The following NRXN3 variants were observed in gnomAD, a reference collection of about 807,000 sequenced individuals.
NRXN3 encodes neurexin III.
NRXN3 carries 32 observed loss-of-function variants against 137.6 expected under a neutral mutation model. The observed-to-expected ratio is 0.23, with a 90% CI of 0.18 to 0.31. The LOEUF (loss-of-function observed/expected upper bound fraction) is 0.31. NRXN3 is among the 10% of genes least tolerant of loss of function. The probability of loss-of-function intolerance (pLI) is 1.00; values close to 1 mark genes in which losing one functional copy is unlikely to be tolerated. For missense variants in NRXN3, 1,574 were observed against 2,062.5 expected, an observed-to-expected ratio of 0.76 and a Z score of 4.59; for synonymous variants, 798 against 784.5, an observed-to-expected ratio of 1.02 and a Z score of -0.29.
At chr14:79,367,699 C>T (rs1052449601) in intron 15 of NRXN3, among the ~76,000 whole-genome samples, 1 of 152,186 alleles carries the variant, frequency 6.6e-6, no homozygotes, top group Non-Finnish European at 1.5e-5. Flanking sequence ...CTAGCTTACA[C>T]ACTTCTCATT....
intron 14 of NRXN3, among the ~76,000 whole-genome samples, chr14:78,975,518 G>T (rs975350693): frequency 2.4e-4 from 37 of 152,272 alleles, no homozygotes; most frequent in African/African-American, 8.2e-4. Context: ...TTATCCCAAG[G>T]ATGCTGTGAG....
intron 4 of NRXN3, among the ~76,000 whole-genome samples, chr14:78,594,886 T>C (rs2097146834): frequency 6.6e-6 from 1 of 152,260 alleles, no homozygotes; most frequent in Non-Finnish European, 1.5e-5. Flanking sequence ...TATTGTCTTC[T>C]AGTGTCAGTA....
At chr14:78,989,842 A>T (rs2099514974) in intron 15 of NRXN3, among the ~76,000 whole-genome samples, 1 of 152,224 alleles carries the variant, frequency 6.6e-6, no homozygotes, top group Non-Finnish European at 1.5e-5. Flanking sequence ...CACACAGAAC[A>T]GGTATAAAGG....
intron 15 of NRXN3, among the ~76,000 whole-genome samples, chr14:79,029,974 A>G (rs1406529178): frequency 6.6e-6 from 1 of 150,424 alleles, no homozygotes; most frequent in East Asian, 2.0e-4. Flanking sequence ...AGCCCCCCCA[A>G]GTAGCTGGGA....
intron 15 of NRXN3, among the ~76,000 whole-genome samples, chr14:79,206,014 G>A (rs2066731950): frequency 6.6e-6 from 1 of 152,062 alleles, no homozygotes; most frequent in South Asian, 2.1e-4. Flanking sequence ...TAACTTGTCT[G>A]GAAGAACATG....
At chr14:79,081,394 T>A (rs891861482) in intron 15 of NRXN3, among the ~76,000 whole-genome samples, 1 of 152,088 alleles carries the variant, frequency 6.6e-6, no homozygotes, top group South Asian at 2.1e-4. Flanking sequence ...GGCGGGCAGA[T>A]CATGAGGTCA....
chr14:79,522,171 T>C (rs1285018239), intron 16 of NRXN3, among the ~76,000 whole-genome samples: 1 of 152,094 alleles, frequency 6.6e-6, no homozygotes, highest in East Asian at 1.9e-4. Context: ...TGGATGACTG[T>C]AATGCACAGG....
intron 10 of NRXN3, among the ~76,000 whole-genome samples, chr14:78,891,090 A>C (rs2099157587): frequency 6.6e-6 from 1 of 151,924 alleles, no homozygotes; most frequent in African/African-American, 2.4e-5. Flanking sequence ...TCAGATGGTA[A>C]CTGGGTGGAA....
At chr14:78,317,021 G>A (rs749573547) in intron 4 of NRXN3, among the ~76,000 whole-genome samples, 34 of 152,272 alleles carry the variant, frequency 2.2e-4, no homozygotes, top group Middle Eastern at 6.8e-3. Context: ...ACTGGCTCAC[G>A]TGATTAGGGA....
rs576612329 is a variant in NRXN3, at chr14:79,738,932, G to C, written c.4014+40995G>C. Among the ~76,000 whole-genome samples, 13 of 152,272 alleles carry C rather than the reference G, an allele frequency of 8.5e-5. No individual in the cohort carries two copies. The South Asian group carries it at 2.1e-3, about 24-fold the overall frequency. On this transcript the variant is annotated intron_variant, in intron 19 of 20. Transcript: ENST00000335750. ...GCCACAGGAAACTAATACAATACTTGTGCCAACTTAAGTAACAGCACCAGC... is the reference window on the plus strand; with the variant it reads ...GCCACAGGAAACTAATACAATACTTCTGCCAACTTAAGTAACAGCACCAGC...
chr14:78,348,628 A>G (rs2083071510), intron 4 of NRXN3, among the ~76,000 whole-genome samples: 1 of 152,168 alleles, frequency 6.6e-6, no homozygotes, highest in Non-Finnish European at 1.5e-5. Flanking sequence ...CTTTGGGGCC[A>G]TGCTTCTCAA....
chr14:79,547,540 G>C (rs2097332345), intron 16 of NRXN3, among the ~76,000 whole-genome samples: 1 of 152,172 alleles, frequency 6.6e-6, no homozygotes, highest in African/African-American at 2.4e-5. Context: ...CAAAAGAGAA[G>C]ATCTTAAGCT....
intron 20 of NRXN3, among the ~76,000 whole-genome samples, chr14:79,825,023 G>A (rs549855290): frequency 4.6e-5 from 7 of 152,182 alleles, no homozygotes; most frequent in East Asian, 1.9e-4. Flanking sequence ...AAGAACAAAC[G>A]TTTGTATTTG....
At chr14:78,487,780 TAAATAAATAAAG>T (rs1266086746) in intron 4 of NRXN3, among the ~76,000 whole-genome samples, 2 of 134,382 alleles carry the variant, frequency 1.5e-5, no homozygotes, top group South Asian at 2.4e-4. Context: ...AATAAATAAA[TAAATAAATAAAG>T]ATAGATTTGT....
At chr14:78,574,125 G>A (rs2096914514) in intron 4 of NRXN3, among the ~76,000 whole-genome samples, 1 of 152,228 alleles carries the variant, frequency 6.6e-6, no homozygotes, top group African/African-American at 2.4e-5. Flanking sequence ...CAGAAGTCAA[G>A]AATTTAGGTT....
intron 15 of NRXN3, among the ~76,000 whole-genome samples, chr14:79,043,817 TGA>T (rs1373786838): frequency 6.6e-6 from 1 of 152,186 alleles, no homozygotes; most frequent in Non-Finnish European, 1.5e-5. Flanking sequence ...GAGACATCGC[TGA>T]GAGAAATTCA....
chr14:78,679,464 C>A (rs1293788551), intron 6 of NRXN3, among the ~76,000 whole-genome samples: 1 of 152,068 alleles, frequency 6.6e-6, no homozygotes, highest in Non-Finnish European at 1.5e-5. Context: ...TTCAGCTTAG[C>A]CTGAAAGCCC....
At chr14:79,618,276 T>C (rs2098183771) in intron 16 of NRXN3, among the ~76,000 whole-genome samples, 1 of 152,084 alleles carries the variant, frequency 6.6e-6, no homozygotes, top group Non-Finnish European at 1.5e-5. Flanking sequence ...TGAAATTTGG[T>C]GTAAGAATGA....
At chr14:78,802,771 AC>A (rs1267447667) in intron 8 of NRXN3, among the ~76,000 whole-genome samples, 1 of 151,908 alleles carries the variant, frequency 6.6e-6, no homozygotes, top group East Asian at 1.9e-4. Flanking sequence ...CATGGCAAAA[AC>A]CCATCTCTAC....
Sources: gnomAD v4.1 joint callset for allele counts (sites outside exome capture counted in the v4.1 genomes callset) on GRCh38, gnomAD v4.1.1 for gene constraint, MANE v1.5 for transcripts, NCBI Gene and HGNC (gene_info 2026-07-23, HGNC 2026-07-21) for gene names.